SRI: variants seen among roughly 807,000 people sequenced by gnomAD.
SRI encodes the protein 22 kDa protein.
SRI carries 30 observed loss-of-function variants against 33.3 expected under a neutral mutation model. The observed-to-expected ratio is 0.90, with a 90% confidence interval of 0.67 to 1.22. SRI has a LOEUF of 1.22. Among genes scored for constraint, SRI ranks in the 50% most tolerant of loss-of-function variants. The pLI, the probability that SRI is intolerant of heterozygous loss-of-function variation, is 0.00. For missense variants in SRI, 243 were observed against 250.8 expected, an observed-to-expected ratio of 0.97 and a Z score of 0.21; for synonymous variants, 75 against 89.9, an observed-to-expected ratio of 0.83 and a Z score of 0.94.
upstream of SRI, among the ~76,000 whole-genome samples, chr7:88,220,266 G>A (rs1270950838): frequency 2.6e-5 from 4 of 152,210 alleles, no homozygotes; most frequent in African/African-American, 9.6e-5. Flanking sequence ...TCCAGTGGCG[G>A]CCTACGACCT....
intron 1 of SRI, 59 bp downstream of exon 1, chr7:88,219,917 G>C (rs1232737068): frequency 9.2e-6 from 14 of 1,525,530 alleles, no homozygotes; most frequent in African/African-American, 7.0e-5. Flanking sequence ...GCATCTCCAA[G>C]GTGGCCTCTT....
At position 88,205,314 on chromosome 7, in the gene SRI, T is replaced by C. The variant is rs758160912; in HGVS notation, c.*1164A>G. On this transcript the variant is annotated 3_prime_UTR_variant, in exon 8 of 8. Transcript: ENST00000265729. The stretch of plus-strand genomic sequence containing the variant: ...TTAAATTTAAGAAACAGAAACATTG[T>C]CAGTGCTTCTTGTATCAACACACTT... 2 of 152,178 alleles carry C rather than the reference T, an allele frequency of 1.3e-5. No individual in the cohort carries two copies. Among genetic ancestry groups the C allele is most frequent in the Non-Finnish European group, 2.9e-5 (2 of 68,034 alleles). 9.4% of individuals were successfully genotyped at this position (152,178 alleles called of 1,614,324 possible).
upstream of SRI, chr7:88,220,203 G>A (rs1375374275): frequency 7.6e-7 from 1 of 1,313,394 alleles, no homozygotes; most frequent in South Asian, 2.1e-5. Flanking sequence ...CCCTGCCTGC[G>A]CGCTTCTTCG....
chr7:88,226,738 G>A (rs1852006931), intron 1 of SRI, among the ~76,000 whole-genome samples: 1 of 152,136 alleles, frequency 6.6e-6, no homozygotes, highest in Non-Finnish European at 1.5e-5. Context: ...CCATAGCTGG[G>A]AAATCAGTGG....
chr7:88,214,100 G>A (rs1851648999), intron 3 of SRI, among the ~76,000 whole-genome samples: 1 of 152,160 alleles, frequency 6.6e-6, no homozygotes, highest in South Asian at 2.1e-4. Context: ...GAAAGTACCA[G>A]AAGGGATTGA....
chr7:88,216,064 G>A (rs952599542), intron 3 of SRI, among the ~76,000 whole-genome samples: 2 of 152,130 alleles, frequency 1.3e-5, no homozygotes, highest in East Asian at 1.9e-4. Context: ...TGCAACCTCC[G>A]CCTCCTGGGC....
intron 3 of SRI, among the ~76,000 whole-genome samples, chr7:88,213,715 T>C (rs1851636556): frequency 6.6e-6 from 1 of 152,152 alleles, no homozygotes; most frequent in South Asian, 2.1e-4. Context: ...TGGCACCAAA[T>C]TCTCACCCCC....
At chr7:88,225,626 C>T (rs1366296464) in intron 1 of SRI, among the ~76,000 whole-genome samples, 1 of 152,190 alleles carries the variant, frequency 6.6e-6, no homozygotes, top group African/African-American at 2.4e-5. Flanking sequence ...AGACTAATAG[C>T]AATTCCAGTA....
Position 88,206,508 on chromosome 7 carries a change from A to C in SRI, c.571-4T>G, listed in dbSNP as rs1276992779. On this transcript the variant is annotated splice_region_variant and splice_polypyrimidine_tract_variant and intron_variant, in intron 7 of 7. Transcript: ENST00000265729. Reference sequence around the variant, plus strand: ...CACTCATGACACATTGAATGAACTGAAAGAAAAATCAGCATTATATGACAG... The same window carrying C: ...CACTCATGACACATTGAATGAACTGCAAGAAAAATCAGCATTATATGACAG... 1 of 1,613,826 alleles carries C rather than the reference A, an allele frequency of 6.2e-7. No individual in the cohort carries two copies. The highest frequency in any genetic ancestry group is 1.1e-5 in the South Asian group (1 of 91,076).
chr7:88,218,565 A>G (rs1217967691), intron 2 of SRI, among the ~76,000 whole-genome samples: 1 of 152,210 alleles, frequency 6.6e-6, no homozygotes, highest in Non-Finnish European at 1.5e-5. Context: ...TTGTACAAAC[A>G]AGCGTTTATA....
At chr7:88,219,885 G>T in intron 1 of SRI, 91 bp downstream of exon 1, 1 of 1,462,270 alleles carries the variant, frequency 6.8e-7, no homozygotes, top group Non-Finnish European at 9.2e-7. Flanking sequence ...CCGCCCAGCA[G>T]CGCCTCACCC....
chr7:88,214,965 A>G (rs1365894913), intron 3 of SRI: 1 of 545,912 alleles, frequency 1.8e-6, no homozygotes. Context: ...GAGAAGCTGA[A>G]TTACAATCTT....
At chr7:88,226,526 A>T (rs1024653693) in intron 1 of SRI, among the ~76,000 whole-genome samples, 1 of 152,176 alleles carries the variant, frequency 6.6e-6, no homozygotes, top group Non-Finnish European at 1.5e-5. Context: ...AAAAATTCCC[A>T]ATTATTCATA....
intron 4 of SRI, chr7:88,210,408 T>G (rs1851546995): frequency 2.2e-6 from 1 of 458,474 alleles, no homozygotes; most frequent in African/African-American, 2.0e-5. Context: ...GTCTTGTTAC[T>G]GGAACTAGGC....
At chr7:88,208,040 TG>T (rs1851475036) in intron 7 of SRI, 1 of 152,350 alleles carries the variant, frequency 6.6e-6, no homozygotes, top group Non-Finnish European at 1.5e-5. Flanking sequence ...ATGCCCTCAA[TG>T]AAGAACATAG....
Position 88,206,415 on chromosome 7 carries a change from G to T in SRI, c.*63C>A. ...GTTTATACATATTACCGAAGGCAAA[G>T]AGGACAAGCAAAGGAGAGCTCCAGT... On this transcript the variant is annotated 3_prime_UTR_variant, in exon 8 of 8. Transcript: ENST00000265729. 1 of 1,594,906 alleles carries T rather than the reference G, an allele frequency of 6.3e-7. No homozygotes were observed. Among genetic ancestry groups the T allele is most frequent in the Non-Finnish European group, 8.6e-7 (1 of 1,162,592 alleles).
At chr7:88,220,141 G>A, upstream of SRI, 2 of 1,344,796 alleles carry the variant, frequency 1.5e-6, no homozygotes, top group Non-Finnish European at 9.5e-7. Flanking sequence ...GGGCGTGGGG[G>A]ACGCGCTCCG....
upstream of SRI, among the ~76,000 whole-genome samples, chr7:88,221,757 A>T (rs1385300666): frequency 9.2e-5 from 14 of 151,876 alleles, no homozygotes; most frequent in Non-Finnish European, 1.9e-4. Flanking sequence ...TTACATATGT[A>T]TACATGTGCC....
intron 2 of SRI, among the ~76,000 whole-genome samples, chr7:88,218,491 A>G (rs1851788468): frequency 6.6e-6 from 1 of 152,252 alleles, no homozygotes; most frequent in African/African-American, 2.4e-5. Flanking sequence ...TTAGCAATCA[A>G]GTTCAACCCA....
Sources: gnomAD v4.1 joint callset for allele counts (sites outside exome capture counted in the v4.1 genomes callset) on GRCh38, gnomAD v4.1.1 for gene constraint, MANE v1.5 for transcripts, NCBI Gene and HGNC (gene_info 2026-07-23, HGNC 2026-07-21) for gene names.